P2RX6: variants seen among roughly 807,000 people sequenced by gnomAD.
The protein encoded by P2RX6 is P2X purinoceptor 6.
In P2RX6, 62 loss-of-function variants were observed where a neutral mutation model predicts 54.2. The ratio of observed to expected loss-of-function variants is 1.14; its 90% CI spans 0.93 to 1.41. The LOEUF (loss-of-function observed/expected upper bound fraction) is 1.41. P2RX6 is among the 40% of genes most tolerant of loss of function. P2RX6 has a pLI of 0.00. For synonymous variants in P2RX6, 211 were observed against 231.9 expected (o/e 0.91, Z 0.82); for missense variants, 541 against 566.3 (o/e 0.96, Z 0.45).
At position 21,026,817 on chromosome 22, in the gene P2RX6, C is replaced by A; in HGVS notation, c.*200C>A. The A allele has an allele frequency of 8.9e-7, 1 of 1,125,374 alleles. No individual in the cohort carries two copies. Among genetic ancestry groups the A allele is most frequent in the Non-Finnish European group, 1.2e-6 (1 of 818,392 alleles). The allele number at this position is 1,125,374 out of a possible 1,614,324, so 69.7% of individuals were successfully genotyped here. ...AGTCGGCTGTGTTTTGAGACGGCGA[C>A]AGAACCTGACCCGTGGAGACTGGGA... On this transcript the variant is annotated 3_prime_UTR_variant, in exon 12 of 12. Transcript: ENST00000413302. The surrounding 1 kb of genome is among the most constrained non-coding windows in gnomAD (Gnocchi z 4.0).
rs901843324 is a variant in P2RX6 at position 21,015,803 on chromosome 22, G to T, written c.165-139G>T. The T allele has an allele frequency of 7.3e-6, 6 of 820,684 alleles. No homozygotes were observed. The African/African-American group carries it at 1.0e-4, about 14-fold the overall frequency. 50.8% of individuals were successfully genotyped at this position (820,684 alleles called of 1,614,324 possible). ...CAGGGGGTCTGGAGTGGGAAGTGGGGCCAGAGAGGAGGTGGGGCCTTCGAT... is the reference window on the plus strand; with the variant it reads ...CAGGGGGTCTGGAGTGGGAAGTGGGTCCAGAGAGGAGGTGGGGCCTTCGAT... On this transcript the variant is annotated intron_variant, in intron 1 of 11. Coordinates refer to ENST00000413302, the MANE Select transcript of P2RX6 (RefSeq NM_005446.5).
chr22:21,021,663 C>A (rs899163165), intron 3 of P2RX6, among the ~76,000 whole-genome samples: 1 of 151,776 alleles, frequency 6.6e-6, no homozygotes, highest in African/African-American at 2.4e-5. Context: ...AGCTGAGTGC[C>A]CTGGGCAGCA....
intron 8 of P2RX6, among the ~76,000 whole-genome samples, chr22:21,025,567 G>C (rs1413667472): frequency 6.6e-6 from 1 of 152,180 alleles, no homozygotes; most frequent in Non-Finnish European, 1.5e-5. Flanking sequence ...CCCCGCTGCT[G>C]GGTCTGTTTA....
At chr22:21,018,585 T>C (rs1448712114) in intron 3 of P2RX6, 1 of 164,074 alleles carries the variant, frequency 6.1e-6, no homozygotes, top group Admixed American at 5.7e-5. Context: ...TCATGGTGAA[T>C]TCAGGATTGC....
chr22:21,012,865 C>T (rs1487861560), upstream of P2RX6, among the ~76,000 whole-genome samples: 1 of 152,118 alleles, frequency 6.6e-6, no homozygotes, highest in East Asian at 1.9e-4. Context: ...CTCCCCAACC[C>T]TTCATGCCAT....
chr22:21,010,837 C>T (rs542403611), upstream of P2RX6, among the ~76,000 whole-genome samples: 6 of 152,022 alleles, frequency 3.9e-5, no homozygotes, highest in Non-Finnish European at 8.8e-5. Context: ...CCTGGCCACG[C>T]TTCCCTGGCT....
intron 3 of P2RX6, among the ~76,000 whole-genome samples, chr22:21,022,171 C>A (rs1050553863): frequency 4.6e-5 from 7 of 152,156 alleles, no homozygotes; most frequent in Middle Eastern, 3.4e-3. Flanking sequence ...AGTTAAAAAC[C>A]AGCCTGGTCA....
chr22:21,011,110 C>T (rs1925714037), upstream of P2RX6, among the ~76,000 whole-genome samples: 1 of 151,544 alleles, frequency 6.6e-6, no homozygotes, highest in South Asian at 2.1e-4. Flanking sequence ...TAACATTGTC[C>T]CTTGAGGTCA....
At position 21,015,261 on chromosome 22, in the gene P2RX6, G is replaced by C. The variant is rs779708794; in HGVS notation, c.87G>C (p.Lys29Asn). The stretch of plus-strand genomic sequence containing the variant: ...GGCTTCTGGATTATAAGACGGAGAA[G>C]TATGTGATGACCAGGAACTGGCGGG... ...GWGLLDYKTE[K>N]YVMTRNWRVG... is the part of the protein sequence containing the mutation. Residue 29 changes from lysine (K) to asparagine (N), a missense_variant, in exon 1 of 12, where the codon AAG becomes AAC. Coordinates refer to ENST00000413302, the MANE Select transcript of P2RX6 (RefSeq NM_005446.5). The C allele has an allele frequency of 1.0e-5, 16 of 1,545,816 alleles. No individual in the cohort carries two copies. The Middle Eastern group carries it at 5.1e-4, about 50-fold the overall frequency.
chr22:21,025,855 T>A lies in P2RX6; in HGVS notation c.941T>A (p.Leu314His), dbSNP rs1601780785. ...CCGGGTGTGGAGGCCCGCACCCTGC[T>A]CAAGCTCTATGGAATCCGCTTCGAC... ...EQPGVEARTLLKLYGIRFDIL... is the reference protein window; with the variant it reads ...EQPGVEARTLHKLYGIRFDIL... The change falls in exon 9 of 12, where the codon CTC (leucine) becomes CAC (histidine). Residue 314 changes from leucine to histidine, a missense_variant. This residue lies in a region of P2RX6 where 526 missense variants were observed against 531.5 expected (regional missense o/e 0.99). Transcript: ENST00000413302. 6.4e-7 allele frequency: 1 copy of A among 1,572,080 alleles called. No homozygotes were observed. Among genetic ancestry groups the A allele is most frequent in the South Asian group, 1.2e-5 (1 of 85,324 alleles).
intron 8 of P2RX6, 28 bp from the exon 9 acceptor site, chr22:21,025,777 T>C (rs1242365883): frequency 6.5e-7 from 1 of 1,533,250 alleles, no homozygotes; most frequent in Non-Finnish European, 8.8e-7. Flanking sequence ...GCAAAGCAGG[T>C]CACCAGAGCC....
At chr22:21,020,109 C>A (rs1927089417) in intron 3 of P2RX6, among the ~76,000 whole-genome samples, 1 of 152,192 alleles carries the variant, frequency 6.6e-6, no homozygotes, top group African/African-American at 2.4e-5. Flanking sequence ...TCTTGGTGAA[C>A]CCACACAATG....
intron 2 of P2RX6, 153 bp from the exon 3 acceptor site, chr22:21,017,836 G>A (rs1350639519): frequency 2.9e-6 from 2 of 701,012 alleles, no homozygotes; most frequent in Non-Finnish European, 5.3e-6. Context: ...ACCACTGCCA[G>A]CCTCCCATCT....
chr22:21,014,971 T>C, upstream of P2RX6: 1 of 498,536 alleles, frequency 2.0e-6, no homozygotes, highest in Non-Finnish European at 3.5e-6. Flanking sequence ...GCTGCTGTTC[T>C]CTGTGTGCCA....
intron 3 of P2RX6, among the ~76,000 whole-genome samples, chr22:21,022,303 G>A (rs973679287): frequency 2.6e-5 from 4 of 152,230 alleles, no homozygotes; most frequent in Admixed American, 6.5e-5. Flanking sequence ...AAGCCCGGGA[G>A]GGCGAGGCTG....
At chr22:21,017,708 C>T (rs1926633253) in intron 2 of P2RX6, among the ~76,000 whole-genome samples, 1 of 152,148 alleles carries the variant, frequency 6.6e-6, no homozygotes, top group South Asian at 2.1e-4. Context: ...AAGTGTAATC[C>T]TGTCTCTAAA....
At chr22:21,014,561 G>A (rs1383689132), upstream of P2RX6, among the ~76,000 whole-genome samples, 1 of 152,192 alleles carries the variant, frequency 6.6e-6, no homozygotes, top group Non-Finnish European at 1.5e-5. Context: ...CCCTTTCGTG[G>A]ACTGGGAAAC....
rs745957470 is a variant in P2RX6, at chr22:21,023,139, C to T, written c.579C>T (p.Ala193=). 8.1e-6 allele frequency: 13 copies of T among 1,613,884 alleles called. No homozygotes were observed. In the South Asian group the frequency reaches 1.1e-4, roughly 14 times the overall value. The change falls in exon 6 of 12, where the codon GCC becomes GCT. Residue 193 remains alanine (A), a synonymous_variant. Transcript: ENST00000413302. ...VVPSRPLLAQ[A]QNFTLFIKNT... is the part of the protein sequence containing the mutation. ...GCAGGAGGCCCCTGCTGGCCCAGGC[C>T]CAGAACTTCACACTGTTCATCAAAA...
chr22:21,015,475 G>GGGGAGAGCTAGGCGATACAAGAC lies in P2RX6; in HGVS notation c.164+138_164+160dup, dbSNP rs1362402568. On this transcript the variant is annotated intron_variant, in intron 1 of 11. Coordinates refer to ENST00000413302, the MANE Select transcript of P2RX6 (RefSeq NM_005446.5). ...GAAGGGGGCAGATTGGGACGGGGTTGGGGAGAGCTAGGCGATACAAGACAG... is the reference window on the plus strand; with the variant it reads ...GAAGGGGGCAGATTGGGACGGGGTTGGGGAGAGCTAGGCGATACAAGACGGGAGAGCTAGGCGATACAAGACAG... 4.1e-6 allele frequency: 4 copies of GGGGAGAGCTAGGCGATACAAGAC among 966,802 alleles called. No individual in the cohort carries two copies. In the Admixed American group the frequency reaches 1.1e-4, roughly 27 times the overall value. 59.9% of individuals were successfully genotyped at this position (966,802 alleles called of 1,614,324 possible).
Sources: gnomAD v4.1 joint callset for allele counts (sites outside exome capture counted in the v4.1 genomes callset) on GRCh38, gnomAD v4.1.1 for gene constraint, gnomAD v4.1.1 regional missense constraint, Gnocchi (gnomAD v3.1) non-coding constraint, MANE v1.5 for transcripts, NCBI Gene and HGNC (gene_info 2026-07-23, HGNC 2026-07-21) for gene names.